Variants in CXCR5 observed in about 807,000 individuals in gnomAD.
CXCR5 encodes the protein C-X-C motif chemokine receptor 5.
CXCR5 carries 3 observed loss-of-function variants against 5.6 expected under a neutral mutation model. That is an observed-to-expected ratio of 0.54 (90% CI 0.24 to 1.39). The LOEUF is 1.39. Ranked by LOEUF, CXCR5 falls within the 40% of genes most tolerant of loss-of-function variation. The pLI, the probability that CXCR5 is intolerant of heterozygous loss-of-function variation, is 0.16. For missense variants in CXCR5, 333 were observed against 494.6 expected, an observed-to-expected ratio of 0.67 and a Z score of 3.10; for synonymous variants, 218 against 219.9, an observed-to-expected ratio of 0.99 and a Z score of 0.08.
At chr11:118,889,586 G>A (rs1276189180) in intron 1 of CXCR5, among the ~76,000 whole-genome samples, 3 of 152,150 alleles carry the variant, frequency 2.0e-5, no homozygotes, top group African/African-American at 7.2e-5. Flanking sequence ...GGAGATTGGG[G>A]GAGCTAGAAC....
At chr11:118,887,174 C>A (rs1048036009) in intron 1 of CXCR5, 38 of 928,900 alleles carry the variant, frequency 4.1e-5, no homozygotes, top group Non-Finnish European at 4.6e-5. Context: ...GTCAGGAACT[C>A]TTGCTTTCCC....
In CXCR5 at chr11:118,897,434, C is replaced by T; in HGVS notation, c.*2771C>T. ...TGCCCGGGCATCCAAAGTGGAAAGCCAGGGCCCCGTGTCACCGGTGTGGGC... is the reference window on the plus strand; with the variant it reads ...TGCCCGGGCATCCAAAGTGGAAAGCTAGGGCCCCGTGTCACCGGTGTGGGC... On this transcript the variant is annotated 3_prime_UTR_variant, in exon 2 of 2. Transcript: ENST00000292174. The T allele has an allele frequency of 5.0e-6, 1 of 200,248 alleles. No homozygotes were observed. The highest frequency in any genetic ancestry group is 6.3e-5 in the South Asian group (1 of 15,952). The allele number at this position is 200,248 out of a possible 1,614,324, so 12.4% of individuals were successfully genotyped here.
intron 1 of CXCR5, chr11:118,886,694 G>A (rs1426410816): frequency 1.1e-5 from 3 of 272,172 alleles, no homozygotes; most frequent in Admixed American, 5.1e-5. Context: ...ACCAGGGCCT[G>A]GGCTGGGGCA....
chr11:118,894,652 A>G lies in CXCR5; in HGVS notation c.1108A>G (p.Thr370Ala). Residue 370 changes from threonine (T) to alanine (A), a missense_variant, in exon 2 of 2, where the codon ACC becomes GCC. Physicochemically the swap from Thr to Ala is moderately conservative, Grantham distance 58. Coordinates refer to ENST00000292174, the MANE Select transcript of CXCR5 (RefSeq NM_001716.5). This position sits in a 1 kb window ranked among gnomAD's most constrained non-coding sequence, Gnocchi z 6.1. ...LSESENATSL[T>A]TF ...TGAGTCAGAGAATGCCACCTCTCTC[A>G]CCACGTTCTAGGTCCCAGTGTCCCC... The G allele has an allele frequency of 6.6e-7, 1 of 1,510,246 alleles. No homozygotes were observed. The highest frequency in any genetic ancestry group is 8.9e-7 in the Non-Finnish European group (1 of 1,129,520). The allele number at this position is 1,510,246 out of a possible 1,614,324, so 93.6% of individuals were successfully genotyped here. A position where few individuals can be genotyped will look rare whatever the true frequency, so the allele number is the denominator to read the frequency against.
intron 1 of CXCR5, among the ~76,000 whole-genome samples, chr11:118,884,762 G>C (rs1480831937): frequency 1.3e-5 from 2 of 152,204 alleles, no homozygotes; most frequent in Non-Finnish European, 2.9e-5. Context: ...CACCACTCAA[G>C]TCTCTCCAGT....
chr11:118,891,267 T>G (rs557578609), intron 1 of CXCR5, among the ~76,000 whole-genome samples: 2 of 152,268 alleles, frequency 1.3e-5, no homozygotes, highest in South Asian at 2.1e-4. Context: ...CCTCCCAAAG[T>G]GCTGGGAGCC....
At position 118,893,402 on chromosome 11, in the gene CXCR5, G is replaced by C; in HGVS notation, c.52-194G>C. The C allele has an allele frequency of 1.0e-6, 1 of 985,424 alleles. No homozygotes were observed. The highest frequency in any genetic ancestry group is 1.2e-6 in the Non-Finnish European group (1 of 829,938). The allele number at this position is 985,424 out of a possible 1,614,324, so 61.0% of individuals were successfully genotyped here. On this transcript the variant is annotated intron_variant, in intron 1 of 1. Coordinates refer to ENST00000292174, the MANE Select transcript of CXCR5 (RefSeq NM_001716.5). This position sits in a 1 kb window ranked among gnomAD's most constrained non-coding sequence, Gnocchi z 5.7. ...CCTTCATCAGCACCACCACTCTAAGGAATGCGGTCCCTTTGACAGGCGAAA... is the reference window on the plus strand; with the variant it reads ...CCTTCATCAGCACCACCACTCTAAGCAATGCGGTCCCTTTGACAGGCGAAA...
In CXCR5 at chr11:118,894,766, G is replaced by C; in HGVS notation, c.*103G>C. On this transcript the variant is annotated 3_prime_UTR_variant, in exon 2 of 2. Transcript: ENST00000292174. The surrounding 1 kb of genome is among the most constrained non-coding windows in gnomAD (Gnocchi z 6.1). The stretch of plus-strand genomic sequence containing the variant: ...GATCCTAAGGGCTCACCGTGGCTAA[G>C]AGTGTCCTAGGAGTATCCTCATTTG... The C allele has an allele frequency of 8.3e-7, 1 of 1,210,922 alleles. No individual in the cohort carries two copies. The highest frequency in any genetic ancestry group is 1.1e-6 in the Non-Finnish European group (1 of 889,862). 75.0% of individuals were successfully genotyped at this position (1,210,922 alleles called of 1,614,324 possible). A position where few individuals can be genotyped will look rare whatever the true frequency, so the allele number is the denominator to read the frequency against.
rs749647346 is a variant in CXCR5 at position 118,893,580 on chromosome 11, C to T, written c.52-16C>T. 2.6e-6 allele frequency: 4 copies of T among 1,559,066 alleles called. No individual in the cohort carries two copies. The highest frequency in any genetic ancestry group is 1.9e-5 in the Admixed American group (1 of 53,944). On this transcript the variant is annotated splice_polypyrimidine_tract_variant and intron_variant, in intron 1 of 1. Coordinates refer to ENST00000292174, the MANE Select transcript of CXCR5 (RefSeq NM_001716.5). The surrounding 1 kb of genome is among the most constrained non-coding windows in gnomAD (Gnocchi z 5.7). ...GGTCCTTAGGTCCTCACCCTCCCGT[C>T]TCCTTGCCCTTGCAGTTCTGGGAAC...
intron 1 of CXCR5, among the ~76,000 whole-genome samples, chr11:118,892,111 G>A (rs1939819910): frequency 6.6e-6 from 1 of 152,142 alleles, no homozygotes; most frequent in African/African-American, 2.4e-5. Context: ...AGAGTAAAGA[G>A]AAGGAAGACC....
chr11:118,888,854 G>T (rs1407854558), intron 1 of CXCR5, among the ~76,000 whole-genome samples: 1 of 152,202 alleles, frequency 6.6e-6, no homozygotes, highest in African/African-American at 2.4e-5. Context: ...ACCCAGGATA[G>T]ATCCCTGAGG....
At chr11:118,891,864 TCCCC>T (rs1939815383) in intron 1 of CXCR5, among the ~76,000 whole-genome samples, 1 of 53,620 alleles carries the variant, frequency 1.9e-5, no homozygotes, top group African/African-American at 9.6e-5. Flanking sequence ...AGAGCAAAAC[TCCCC>T]CTCAAAAAAA....
chr11:118,887,404 C>T, intron 1 of CXCR5: 1 of 985,454 alleles, frequency 1.0e-6, no homozygotes, highest in Non-Finnish European at 1.2e-6. Context: ...ATCCAAAGGG[C>T]AAAGAGACGC....
intron 1 of CXCR5, 82 bp downstream of exon 1, chr11:118,884,074 G>T: frequency 7.3e-7 from 1 of 1,362,464 alleles, no homozygotes; most frequent in Non-Finnish European, 1.0e-6. Context: ...AGGGAGAGGG[G>T]ACAGTGTGGG....
intron 1 of CXCR5, among the ~76,000 whole-genome samples, chr11:118,890,206 G>A (rs767777631): frequency 6.6e-6 from 1 of 152,166 alleles, no homozygotes; most frequent in African/African-American, 2.4e-5. Context: ...AGAAGATTAC[G>A]GAGTGAGTCC....
chr11:118,892,670 G>GT (rs1415600863), intron 1 of CXCR5, among the ~76,000 whole-genome samples: 1 of 151,568 alleles, frequency 6.6e-6, no homozygotes, highest in African/African-American at 2.4e-5. Context: ...GGGGTGATGG[G>GT]GGGGGGGTGA....
At chr11:118,886,078 C>T in intron 1 of CXCR5, 1 of 313,088 alleles carries the variant, frequency 3.2e-6, no homozygotes, top group Non-Finnish European at 6.2e-6. Flanking sequence ...CTCAGTGTCA[C>T]AGTACAAAAA....
chr11:118,890,163 G>T (rs1692958523), intron 1 of CXCR5, among the ~76,000 whole-genome samples: 1 of 152,218 alleles, frequency 6.6e-6, no homozygotes, highest in Non-Finnish European at 1.5e-5. Flanking sequence ...CTAGGATCAA[G>T]GCCATCAAGG....
Position 118,894,638 on chromosome 11 carries a change from A to T in CXCR5, c.1094A>T (p.Asn365Ile), listed in dbSNP as rs1939872603. 6.6e-7 allele frequency: 1 copy of T among 1,511,738 alleles called. No individual in the cohort carries two copies. 93.6% of individuals were successfully genotyped at this position (1,511,738 alleles called of 1,614,324 possible). Reference protein sequence around the residue: ...WRRSSLSESENATSLTTF With the variant: ...WRRSSLSESEIATSLTTF Reference sequence around the variant, plus strand: ...AGGAGCAGTCTCTCTGAGTCAGAGAATGCCACCTCTCTCACCACGTTCTAG... The same window carrying T: ...AGGAGCAGTCTCTCTGAGTCAGAGATTGCCACCTCTCTCACCACGTTCTAG... The change falls in exon 2 of 2, where the codon AAT becomes ATT. Residue 365 changes from asparagine (N) to isoleucine (I), a missense_variant. Physicochemically the swap from Asn to Ile is moderately radical, Grantham distance 149 (BLOSUM62 -3). Coordinates refer to ENST00000292174, the MANE Select transcript of CXCR5 (RefSeq NM_001716.5). The surrounding 1 kb of genome is among the most constrained non-coding windows in gnomAD (Gnocchi z 6.1).
Sources: allele counts gnomAD v4.1 joint callset (sites outside exome capture counted in the v4.1 genomes callset), GRCh38; gene constraint gnomAD v4.1.1; non-coding constraint Gnocchi (gnomAD v3.1); transcripts MANE v1.5; gene names NCBI Gene and HGNC (gene_info 2026-07-23, HGNC 2026-07-21).